Variants in IP6K1 observed in about 807,000 individuals in gnomAD.
IP6K1 encodes inositol hexakisphosphate kinase 1, also known as ATP:1D-myo-inositol-hexakisphosphate phosphotransferase.
IP6K1 carries 13 observed loss-of-function variants against 38.3 expected under a neutral mutation model. That is an observed-to-expected ratio of 0.34 (90% CI 0.22 to 0.54). IP6K1 has a LOEUF of 0.54. Among genes scored for constraint, IP6K1 ranks in the 20% least tolerant of loss-of-function variants. The probability of loss-of-function intolerance (pLI) is 0.92; values close to 1 mark genes in which losing one functional copy is unlikely to be tolerated. For missense variants in IP6K1, 397 were observed against 599.8 expected (o/e 0.66, Z 3.53); for synonymous variants, 212 against 229.9 (o/e 0.92, Z 0.70).
At chr3:49,760,731 C>G (rs964738765) in intron 1 of IP6K1, among the ~76,000 whole-genome samples, 2 of 152,126 alleles carry the variant, frequency 1.3e-5, no homozygotes, top group African/African-American at 4.8e-5. Flanking sequence ...TTCTCCACTC[C>G]CTCAACTTCC....
chr3:49,740,529 C>T (rs539987062), intron 2 of IP6K1, among the ~76,000 whole-genome samples: 2 of 152,252 alleles, frequency 1.3e-5, no homozygotes, highest in Admixed American at 6.5e-5. Flanking sequence ...CCTCCTAGCC[C>T]CAGTAACCAA....
At chr3:49,768,841 G>C (rs1257807456) in intron 1 of IP6K1, among the ~76,000 whole-genome samples, 1 of 152,120 alleles carries the variant, frequency 6.6e-6, no homozygotes. Context: ...AAGGGGCTGG[G>C]GGAGGTGAGA....
intron 1 of IP6K1, among the ~76,000 whole-genome samples, chr3:49,779,728 C>A (rs1479396260): frequency 6.6e-6 from 1 of 152,134 alleles, no homozygotes; most frequent in Non-Finnish European, 1.5e-5. Context: ...CTCTGTCATC[C>A]AGGCAGGAAT....
chr3:49,743,100 C>A (rs2080685925), intron 2 of IP6K1, among the ~76,000 whole-genome samples: 1 of 151,786 alleles, frequency 6.6e-6, no homozygotes, highest in Admixed American at 6.6e-5. Flanking sequence ...TGGTGGCAGG[C>A]ACCTGTAAGT....
intron 2 of IP6K1, among the ~76,000 whole-genome samples, chr3:49,745,066 C>G (rs2080708502): frequency 6.6e-6 from 1 of 151,782 alleles, no homozygotes. Flanking sequence ...TACTAGATGC[C>G]AGGCCCTGAA....
chr3:49,729,992 A>C (rs1163142819), intron 4 of IP6K1, among the ~76,000 whole-genome samples: 1 of 152,234 alleles, frequency 6.6e-6, no homozygotes, highest in Admixed American at 6.5e-5. Flanking sequence ...TCCTGGGTTC[A>C]AGCCATTCTC....
At chr3:49,758,048 G>A (rs930183335) in intron 1 of IP6K1, among the ~76,000 whole-genome samples, 4 of 152,054 alleles carry the variant, frequency 2.6e-5, no homozygotes, top group East Asian at 1.9e-4. Flanking sequence ...AGTGGCTTAC[G>A]CCTGCAATCC....
intron 1 of IP6K1, among the ~76,000 whole-genome samples, chr3:49,784,186 G>C (rs904438866): frequency 1.3e-5 from 2 of 151,822 alleles, no homozygotes; most frequent in African/African-American, 4.8e-5. Context: ...AGTAGACATG[G>C]GATTTTGCCA....
In IP6K1 at chr3:49,747,991, C is replaced by T. The variant is rs780286190; in HGVS notation, c.50G>A (p.Ser17Asn). Residue 17 changes from serine (S) to asparagine (N), a missense_variant, in exon 2 of 6, where the codon AGT becomes AAT. Ser to Asn is a conservative substitution (Grantham distance 46). Transcript: ENST00000321599. Reference sequence around the variant, plus strand: ...GAGGACTCCCCGGTCTCCAGCCCGACTTGCATTCTTGCCATACTGCCCCAC... The same window carrying T: ...GAGGACTCCCCGGTCTCCAGCCCGATTTGCATTCTTGCCATACTGCCCCAC... ...MEVGQYGKNA[S>N]RAGDRGVLLE... 1.2e-6 allele frequency: 2 copies of T among 1,613,828 alleles called. No homozygotes were observed. Among genetic ancestry groups the T allele is most frequent in the African/African-American group, 2.7e-5 (2 of 74,922 alleles).
At chr3:49,747,304 C>A (rs2080729009) in intron 2 of IP6K1, among the ~76,000 whole-genome samples, 1 of 152,112 alleles carries the variant, frequency 6.6e-6, no homozygotes, top group African/African-American at 2.4e-5. Context: ...TCATGAGGTT[C>A]TTTTCTATAA....
In IP6K1 at chr3:49,725,706, C is replaced by G. The variant is rs950863028; in HGVS notation, c.*1416G>C. ...TGGCCATCTGTTAGAAGCAGCAGAT[C>G]TGTGCCATTAAGGGCTGGCAGCCAA... On this transcript the variant is annotated 3_prime_UTR_variant, in exon 6 of 6. Coordinates refer to ENST00000321599, the MANE Select transcript of IP6K1 (RefSeq NM_153273.4). The G allele has an allele frequency of 6.5e-6, 1 of 152,720 alleles. No homozygotes were observed. Among genetic ancestry groups the G allele is most frequent in the Non-Finnish European group, 1.5e-5 (1 of 68,116 alleles). The allele number at this position is 152,720 out of a possible 1,614,324, so 9.5% of individuals were successfully genotyped here.
chr3:49,753,367 C>G (rs529976870), intron 1 of IP6K1, among the ~76,000 whole-genome samples: 7 of 152,284 alleles, frequency 4.6e-5, no homozygotes, highest in Admixed American at 2.0e-4. Context: ...AATGAAAGGT[C>G]TATCCTACCC....
Position 49,786,400 on chromosome 3 carries a change from GGCCCCCCGGGCCTCCAGGTTTCGGCCC to G in IP6K1, c.-202_-176del, listed in dbSNP as rs2081113783. On this transcript the variant is annotated 5_prime_UTR_variant, in exon 1 of 6. Transcript: ENST00000321599. ...CGCCCACGGCTCCCTACGGGAGCTG[GGCCCCCCGGGCCTCCAGGTTTCGGCCC>G]GCCCCCTGGCAGGCAGCACAGGTGG... is the stretch of plus-strand genomic sequence containing the variant. 6.6e-6 allele frequency: 1 copy of G among 152,262 alleles called. No individual in the cohort carries two copies. The highest frequency in any genetic ancestry group is 2.4e-5 in the African/African-American group (1 of 41,430). The allele number at this position is 152,262 out of a possible 1,614,324, so 9.4% of individuals were successfully genotyped here.
intron 1 of IP6K1, among the ~76,000 whole-genome samples, chr3:49,783,699 C>T (rs2081087634): frequency 7.2e-6 from 1 of 138,624 alleles, no homozygotes; most frequent in African/African-American, 2.8e-5. Context: ...CGCAACCGAG[C>T]GAGATTCCGT....
At chr3:49,776,265 C>T (rs1205551762) in intron 1 of IP6K1, among the ~76,000 whole-genome samples, 1 of 151,826 alleles carries the variant, frequency 6.6e-6, no homozygotes, top group Non-Finnish European at 1.5e-5. Flanking sequence ...GCGTGTAATC[C>T]CAGCACTTTG....
At chr3:49,769,502 T>C (rs1418555589) in intron 1 of IP6K1, among the ~76,000 whole-genome samples, 2 of 152,138 alleles carry the variant, frequency 1.3e-5, no homozygotes, top group East Asian at 3.8e-4. Flanking sequence ...CAAATCAGGA[T>C]ATAACAGTCA....
chr3:49,773,711 G>A (rs2080980330), intron 1 of IP6K1, among the ~76,000 whole-genome samples: 3 of 152,238 alleles, frequency 2.0e-5, no homozygotes, highest in African/African-American at 7.2e-5. Context: ...TATTTTCTAT[G>A]CTAGTGAACT....
chr3:49,728,730 T>A (rs543451855), intron 4 of IP6K1, among the ~76,000 whole-genome samples: 1 of 152,096 alleles, frequency 6.6e-6, no homozygotes, highest in South Asian at 2.1e-4. Context: ...TGCCCGCCAC[T>A]ACACCCGGCT....
chr3:49,749,374 T>G (rs2080752215), intron 1 of IP6K1, among the ~76,000 whole-genome samples: 1 of 152,236 alleles, frequency 6.6e-6, no homozygotes, highest in African/African-American at 2.4e-5. Context: ...CTCTTTATAA[T>G]GTCAATTTTC....
Sources: allele counts gnomAD v4.1 joint callset (sites outside exome capture counted in the v4.1 genomes callset), GRCh38; gene constraint gnomAD v4.1.1; transcripts MANE v1.5; gene names NCBI Gene and HGNC (gene_info 2026-07-23, HGNC 2026-07-21).